KANK2: variants seen among roughly 807,000 people sequenced by gnomAD.
KANK2 encodes the protein KN motif and ankyrin repeat domains 2.
KANK2 carries 41 observed loss-of-function variants against 74.6 expected under a neutral mutation model. The ratio of observed to expected loss-of-function variants is 0.55; its 90% CI spans 0.43 to 0.71. The LOEUF is 0.71. KANK2 is among the 30% of genes least tolerant of loss of function. KANK2 has a pLI of 0.00. For missense variants in KANK2, 1,148 were observed against 1,196.4 expected (o/e 0.96, Z 0.60); for synonymous variants, 537 against 519.0 (o/e 1.03, Z -0.47).
At chr19:11,177,443 C>T (rs1186433669) in intron 6 of KANK2, among the ~76,000 whole-genome samples, 1 of 152,114 alleles carries the variant, frequency 6.6e-6, no homozygotes, top group Non-Finnish European at 1.5e-5. Context: ...CAACCTCTGT[C>T]TCCTGGGTTC....
chr19:11,167,361 G>A (rs576336435), intron 12 of KANK2, among the ~76,000 whole-genome samples: 5 of 151,796 alleles, frequency 3.3e-5, no homozygotes, highest in South Asian at 2.1e-4. Context: ...CACCGTGCCC[G>A]GCCTAGATTT....
chr19:11,170,291 A>G lies in KANK2; in HGVS notation c.2212-43T>C, dbSNP rs1313417196. ...CAGGATTATGGTTCATGCAGGCCCC[A>G]GGGCAGGACACCCCCTGGTCTAGAA... On this transcript the variant is annotated intron_variant, in intron 10 of 12. Coordinates refer to ENST00000586659, the MANE Select transcript of KANK2 (RefSeq NM_001136191.3). This position sits in a 1 kb window ranked among gnomAD's most constrained non-coding sequence, Gnocchi z 5.2. The G allele has an allele frequency of 3.9e-6, 6 of 1,544,626 alleles. No individual in the cohort carries two copies. Among genetic ancestry groups the G allele is most frequent in the Non-Finnish European group, 5.3e-6 (6 of 1,128,892 alleles).
At chr19:11,194,439 C>A (rs1600828267) in intron 3 of KANK2, 36 bp downstream of exon 3, 1 of 1,586,796 alleles carries the variant, frequency 6.3e-7, no homozygotes. Flanking sequence ...AACTGAAGCT[C>A]CCCGGGGCAG....
In KANK2 at chr19:11,193,348, A is replaced by G. The variant is rs1371286154; in HGVS notation, c.732T>C (p.Gly244=). Residue 244 remains glycine, a synonymous_variant, in exon 4 of 13, where the codon GGT becomes GGC. Transcript: ENST00000586659. The surrounding 1 kb of genome is among the most constrained non-coding windows in gnomAD (Gnocchi z 9.6). ...KFLGHPTAGR[G]RSELCLDLPD... The stretch of plus-strand genomic sequence containing the variant: ...GGAGGTCCAGGCAGAGCTCGCTGCG[A>G]CCCCGGCCCGCTGTGGGGTGGCCCA... 1 of 1,611,280 alleles carries G rather than the reference A, an allele frequency of 6.2e-7. No individual in the cohort carries two copies. The highest frequency in any genetic ancestry group is 1.1e-5 in the South Asian group (1 of 90,960).
intron 5 of KANK2, 26 bp from the exon 6 acceptor site, chr19:11,178,473 T>C (rs755477087): frequency 6.2e-7 from 1 of 1,601,128 alleles, no homozygotes; most frequent in Admixed American, 1.7e-5. Flanking sequence ...GCGGAGGTGC[T>C]GTGAGAGTCC....
Position 11,169,933 on chromosome 19 carries a change from C to A in KANK2, c.2446G>T (p.Ala816Ser). 2 of 1,614,198 alleles carry A rather than the reference C, an allele frequency of 1.2e-6. No individual in the cohort carries two copies. The highest frequency in any genetic ancestry group is 1.7e-6 in the Non-Finnish European group (2 of 1,180,032). Reference protein sequence around the residue: ...GSTALMVALDAGQSEIASMLY... With the variant: ...GSTALMVALDSGQSEIASMLY... The stretch of plus-strand genomic sequence containing the variant: ...ATGGACGCAATCTCACTCTGCCCTG[C>A]GTCCAAGGCCACCATCAGAGCTGTG... Residue 816 changes from alanine (A) to serine (S), a missense_variant, in exon 12 of 13, where the codon GCA becomes TCA. Physicochemically the swap from Ala to Ser is moderately conservative, Grantham distance 99. Coordinates refer to ENST00000586659, the MANE Select transcript of KANK2 (RefSeq NM_001136191.3).
chr19:11,178,231 A>G lies in KANK2; in HGVS notation c.1520+114T>C, dbSNP rs1046242526. ...CATCTCTGTGTTGTGGTTTGATTAA[A>G]CGAATTAACCAAAGCAAGGAGCTCA... is the stretch of plus-strand genomic sequence containing the variant. On this transcript the variant is annotated intron_variant, in intron 6 of 12. Coordinates refer to ENST00000586659, the MANE Select transcript of KANK2 (RefSeq NM_001136191.3). The G allele has an allele frequency of 7.3e-6, 7 of 962,594 alleles. No homozygotes were observed. In the African/African-American group the frequency reaches 1.2e-4, roughly 17 times the overall value. The allele number at this position is 962,594 out of a possible 1,614,324, so 59.6% of individuals were successfully genotyped here.
At chr19:11,194,373 T>C in intron 3 of KANK2, 102 bp downstream of exon 3, 1 of 914,336 alleles carries the variant, frequency 1.1e-6, no homozygotes, top group Non-Finnish European at 1.7e-6. Context: ...ATTGTTGGGC[T>C]GTGTCCCACC....
chr19:11,178,519 G>A (rs753219500), intron 5 of KANK2, 34 bp downstream of exon 5: 1 of 1,603,206 alleles, frequency 6.2e-7, no homozygotes, highest in South Asian at 1.1e-5. Flanking sequence ...CCATCCCGGT[G>A]CCCCGTCCCT....
In KANK2 at chr19:11,192,788, C is replaced by CG. The variant is rs748617116; in HGVS notation, c.1249+42_1249+43insC. On this transcript the variant is annotated intron_variant, in intron 4 of 12. Transcript: ENST00000586659. ...TGAGCCATGGGAAGAAAGAGGCCCC[C>CG]CCCCCCCAAGCCATTCTCCCCTGCC... 3.8e-6 allele frequency: 6 copies of CG among 1,574,862 alleles called. No homozygotes were observed. In the Admixed American group the frequency reaches 8.6e-5, roughly 23 times the overall value.
At chr19:11,181,113 A>AAAAAAAAAAAG (rs1347678650) in intron 4 of KANK2, among the ~76,000 whole-genome samples, 3 of 98,330 alleles carry the variant, frequency 3.1e-5, no homozygotes, top group African/African-American at 1.3e-4. Flanking sequence ...AAAAAAAAAA[A>AAAAAAAAAAAG]AAATTCTGGG....
chr19:11,177,377 C>T lies in KANK2; in HGVS notation c.1521-560G>A, dbSNP rs374034263. Among the ~76,000 whole-genome samples, 19 of 150,298 alleles carry T rather than the reference C, an allele frequency of 1.3e-4. No homozygotes were observed. The South Asian group carries it at 2.7e-3, about 22-fold the overall frequency. On this transcript the variant is annotated intron_variant, in intron 6 of 12. Transcript: ENST00000586659. ...CACCTCTAGCCATTTTTTTTTGAGA[C>T]GGAGTCTCGCTCTGTCGCCCAGGCT...
chr19:11,172,524 C>T (rs1040186168), intron 10 of KANK2, among the ~76,000 whole-genome samples: 5 of 152,122 alleles, frequency 3.3e-5, no homozygotes, highest in African/African-American at 1.2e-4. Context: ...GTTTCTGCTT[C>T]CCAACACACA....
In KANK2 at chr19:11,164,413, G is replaced by A. The variant is rs902593645; in HGVS notation, c.*2145C>T. ...AATTAAAGCTCATGGATATGCGTGA[G>A]AAGAGAATGGGCGCAGAGGCACGAG... On this transcript the variant is annotated 3_prime_UTR_variant, in exon 13 of 13. Transcript: ENST00000586659. 1 of 152,166 alleles carries A rather than the reference G, an allele frequency of 6.6e-6. No individual in the cohort carries two copies. Among genetic ancestry groups the A allele is most frequent in the Non-Finnish European group, 1.5e-5 (1 of 68,030 alleles). 9.4% of individuals were successfully genotyped at this position (152,166 alleles called of 1,614,324 possible).
rs150614559 is a variant in KANK2 at position 11,192,851 on chromosome 19, C to T, written c.1229G>A (p.Arg410Gln). 23 of 1,583,212 alleles carry T rather than the reference C, an allele frequency of 1.5e-5. No homozygotes were observed. Among genetic ancestry groups the T allele is most frequent in the African/African-American group, 1.2e-4 (9 of 73,810 alleles). Residue 410 changes from arginine to glutamine, a missense_variant, in exon 4 of 13, where the codon CGA (arginine) becomes CAA (glutamine). Coordinates refer to ENST00000586659, the MANE Select transcript of KANK2 (RefSeq NM_001136191.3). The part of the protein sequence containing the change: ...HMVKKISITE[R>Q]SCDGAAGLPE... Reference sequence around the variant, plus strand: ...CTTACCTGCTGCTCCATCGCAGCTTCGCTCTGTGATGCTAATCTTCTTCAC... The same window carrying T: ...CTTACCTGCTGCTCCATCGCAGCTTTGCTCTGTGATGCTAATCTTCTTCAC...
At chr19:11,181,884 A>C (rs988743697) in intron 4 of KANK2, among the ~76,000 whole-genome samples, 2 of 151,800 alleles carry the variant, frequency 1.3e-5, no homozygotes, top group East Asian at 1.9e-4. Context: ...AATGCCACTG[A>C]ATTACATACT....
intron 12 of KANK2, among the ~76,000 whole-genome samples, chr19:11,167,527 C>A (rs532459566): frequency 6.6e-6 from 1 of 150,724 alleles, no homozygotes; most frequent in African/African-American, 2.4e-5. Context: ...CCAGGCCCAG[C>A]TAATTTTTTT....
chr19:11,194,894 C>G (rs2078972629), intron 2 of KANK2: 1 of 192,846 alleles, frequency 5.2e-6, no homozygotes, highest in African/African-American at 2.3e-5. Flanking sequence ...CCAAGCCCAA[C>G]AGGCCCCACC....
intron 10 of KANK2, among the ~76,000 whole-genome samples, chr19:11,171,439 C>T (rs1212993948): frequency 6.6e-6 from 1 of 150,638 alleles, no homozygotes; most frequent in East Asian, 2.0e-4. Context: ...ACAGTGAGAC[C>T]CTGTCTCAAA....
Sources: gnomAD v4.1 joint callset for allele counts (sites outside exome capture counted in the v4.1 genomes callset) on GRCh38, gnomAD v4.1.1 for gene constraint, Gnocchi (gnomAD v3.1) non-coding constraint, MANE v1.5 for transcripts, NCBI Gene and HGNC (gene_info 2026-07-23, HGNC 2026-07-21) for gene names.